Variants in ZNF480 observed in about 807,000 individuals in gnomAD.
ZNF480 encodes zinc finger protein 480.
Under a neutral mutation model 14.4 loss-of-function variants are expected in ZNF480, and 15 were observed. The observed-to-expected ratio is 1.04, with a 90% confidence interval of 0.70 to 1.60. The LOEUF (loss-of-function observed/expected upper bound fraction) is 1.60, where lower values mean the gene tolerates loss of function less well. ZNF480 is among the 40% of genes most tolerant of loss of function. The pLI is 0.00. For synonymous variants in ZNF480, 218 were observed against 215.5 expected, an observed-to-expected ratio of 1.01 and a Z score of -0.10; for missense variants, 593 against 629.7, an observed-to-expected ratio of 0.94 and a Z score of 0.62.
chr19:52,297,502 C>G (rs181999400), intron 1 of ZNF480, among the ~76,000 whole-genome samples: 1 of 152,046 alleles, frequency 6.6e-6, no homozygotes, highest in Non-Finnish European at 1.5e-5. Context: ...TTACATCCGC[C>G]CCGCACAGCG....
At chr19:52,319,808 T>C (rs1266174437) in intron 4 of ZNF480, among the ~76,000 whole-genome samples, 2 of 106,256 alleles carry the variant, frequency 1.9e-5, no homozygotes, top group Non-Finnish European at 3.6e-5. Context: ...TAGCTGATAC[T>C]GTGTTTTTTT....
intron 4 of ZNF480, among the ~76,000 whole-genome samples, chr19:52,316,970 G>A (rs1298247933): frequency 1.3e-5 from 2 of 152,154 alleles, no homozygotes; most frequent in Middle Eastern, 3.4e-3. Flanking sequence ...CCTGCATTGC[G>A]CCCACCTTTT....
At chr19:52,297,348 A>G (rs927799929) in intron 1 of ZNF480, 125 bp downstream of exon 1, 2 of 379,414 alleles carry the variant, frequency 5.3e-6, no homozygotes, top group African/African-American at 2.2e-5. Context: ...GACCAAATTC[A>G]GGCGTCTCCG....
At position 52,310,522 on chromosome 19, in the gene ZNF480, G is replaced by A. The variant is rs544510295; in HGVS notation, c.73-3631G>A. On this transcript the variant is annotated intron_variant, in intron 2 of 4. Transcript: ENST00000595962. ...TTTCTGGCCCCTGCCCAGGCATCCT[G>A]TGCAGTGGTGATTGGCTGCAGCACA... Among the ~76,000 whole-genome samples, 129 of 150,952 alleles carry A rather than the reference G, an allele frequency of 8.5e-4. 3 individuals carry two copies. Among genetic ancestry groups the A allele is most frequent in the African/African-American group, 3.0e-3 (125 of 41,026 alleles).
chr19:52,321,916 A>C lies in ZNF480; in HGVS notation c.666A>C (p.Gln222His), dbSNP rs768248740. Reference protein sequence around the residue: ...FRVSSSLTKHQVIHTVEKPYK... With the variant: ...FRVSSSLTKHHVIHTVEKPYK... ...TATCTTCCAGCCTTACTAAACATCA[A>C]GTAATCCATACTGTAGAGAAACCTT... The change falls in exon 5 of 5, where the codon CAA (glutamine) becomes CAC (histidine). Residue 222 changes from glutamine to histidine, a missense_variant. Coordinates refer to ENST00000595962, the MANE Select transcript of ZNF480 (RefSeq NM_144684.4). 1 of 1,614,038 alleles carries C rather than the reference A, an allele frequency of 6.2e-7. No individual in the cohort carries two copies. The highest frequency in any genetic ancestry group is 8.5e-7 in the Non-Finnish European group (1 of 1,180,026).
chr19:52,325,148 G>A lies in ZNF480; in HGVS notation c.*2290G>A, dbSNP rs1334275696. The A allele has an allele frequency of 6.6e-6, 1 of 152,088 alleles. No homozygotes were observed. The highest frequency in any genetic ancestry group is 1.5e-5 in the Non-Finnish European group (1 of 68,010). The allele number at this position is 152,088 out of a possible 1,614,324, so 9.4% of individuals were successfully genotyped here. Reference sequence around the variant, plus strand: ...AAAGAATACATACATGTGGCAATAAGCATATGAAAAAAATGGTTAATATCG... The same window carrying A: ...AAAGAATACATACATGTGGCAATAAACATATGAAAAAAATGGTTAATATCG... On this transcript the variant is annotated 3_prime_UTR_variant, in exon 5 of 5. Transcript: ENST00000595962.
At chr19:52,318,281 T>TATCGAAAAA (rs1019602243) in intron 4 of ZNF480, among the ~76,000 whole-genome samples, 6 of 152,002 alleles carry the variant, frequency 3.9e-5, no homozygotes, top group Non-Finnish European at 7.4e-5. Flanking sequence ...TAAATTTTTG[T>TATCGAAAAA]ATCTTTAATA....
In ZNF480 at chr19:52,314,069, T is replaced by G. The variant is rs551832789; in HGVS notation, c.73-84T>G. ...GTCAGAACATTCTCTTCAATCCAGT[T>G]AATCTTTACAACTCCCTTCTCATTT... is the stretch of plus-strand genomic sequence containing the variant. On this transcript the variant is annotated intron_variant, in intron 2 of 4. Coordinates refer to ENST00000595962, the MANE Select transcript of ZNF480 (RefSeq NM_144684.4). 34 of 1,404,474 alleles carry G rather than the reference T, an allele frequency of 2.4e-5. No individual in the cohort carries two copies. In the South Asian group the frequency reaches 3.7e-4, roughly 15 times the overall value. The allele number at this position is 1,404,474 out of a possible 1,614,324, so 87.0% of individuals were successfully genotyped here. A position where few individuals can be genotyped will look rare whatever the true frequency, so the allele number is the denominator to read the frequency against.
Position 52,321,789 on chromosome 19 carries a change from A to G in ZNF480, c.539A>G (p.Asn180Ser), listed in dbSNP as rs775226352. The change falls in exon 5 of 5, where the codon AAT becomes AGT. Residue 180 changes from asparagine (N) to serine (S), a missense_variant. Asn to Ser is a conservative substitution (Grantham distance 46, BLOSUM62 1). Coordinates refer to ENST00000595962, the MANE Select transcript of ZNF480 (RefSeq NM_144684.4). Reference protein sequence around the residue: ...MSSSVKTPIFNRNDFDDSSFL... With the variant: ...MSSSVKTPIFSRNDFDDSSFL... Reference sequence around the variant, plus strand: ...TCCAGTGTCAAAACCCCCATTTTTAATAGGAATGATTTTGATGATTCTTCA... The same window carrying G: ...TCCAGTGTCAAAACCCCCATTTTTAGTAGGAATGATTTTGATGATTCTTCA... 1.2e-6 allele frequency: 2 copies of G among 1,613,534 alleles called. No homozygotes were observed. The highest frequency in any genetic ancestry group is 1.1e-5 in the South Asian group (1 of 91,016).
intron 2 of ZNF480, among the ~76,000 whole-genome samples, chr19:52,310,729 G>A (rs945325730): frequency 6.6e-6 from 1 of 151,874 alleles, no homozygotes; most frequent in Non-Finnish European, 1.5e-5. Context: ...AGCCGGTCAT[G>A]GTGGCTCATG....
intron 2 of ZNF480, chr19:52,302,017 C>A: frequency 5.2e-6 from 1 of 190,648 alleles, no homozygotes; most frequent in Non-Finnish European, 1.1e-5. Flanking sequence ...TCAGTCTCGA[C>A]ATGGCTGCAA....
chr19:52,325,527 T>G lies in ZNF480; in HGVS notation c.*2669T>G, dbSNP rs1600224660. The G allele has an allele frequency of 6.6e-6, 1 of 152,262 alleles. No individual in the cohort carries two copies. Among genetic ancestry groups the G allele is most frequent in the East Asian group, 1.9e-4 (1 of 5,182 alleles). 9.4% of individuals were successfully genotyped at this position (152,262 alleles called of 1,614,324 possible). A position where few individuals can be genotyped will look rare whatever the true frequency, so the allele number is the denominator to read the frequency against. The stretch of plus-strand genomic sequence containing the variant: ...GATGTGGAATCAACGTAAATGCCCA[T>G]CAGCAGTAGACCAGATAAAGAAAAT... On this transcript the variant is annotated 3_prime_UTR_variant, in exon 5 of 5. Coordinates refer to ENST00000595962, the MANE Select transcript of ZNF480 (RefSeq NM_144684.4).
chr19:52,315,782 C>G, intron 3 of ZNF480, 52 bp from the exon 4 acceptor site: 1 of 1,562,306 alleles, frequency 6.4e-7, no homozygotes, highest in Non-Finnish European at 8.7e-7. Context: ...ACACATAGGG[C>G]TTGGATTTTG....
At chr19:52,300,245 AGGAGTTT>A in intron 1 of ZNF480, 142 bp from the exon 2 acceptor site, 1 of 822,724 alleles carries the variant, frequency 1.2e-6, no homozygotes, top group Non-Finnish European at 1.9e-6. Flanking sequence ...TTCTTCCTGT[AGGAGTTT>A]CTTGTCTCTG....
intron 4 of ZNF480, chr19:52,317,549 T>C (rs977777934): frequency 1.3e-5 from 2 of 152,200 alleles, no homozygotes; most frequent in Non-Finnish European, 2.9e-5. Context: ...TTTTGTATTA[T>C]TAGTAGAGAC....
Position 52,322,311 on chromosome 19 carries a change from G to A in ZNF480, c.1061G>A (p.Arg354Lys). ...KCDECGKAFYRIALLVRHQKI... is the reference protein window; with the variant it reads ...KCDECGKAFYKIALLVRHQKI... The stretch of plus-strand genomic sequence containing the variant: ...GATGAATGTGGCAAGGCCTTCTATA[G>A]GATTGCGCTCCTTGTACGACATCAG... The change falls in exon 5 of 5, where the codon AGG becomes AAG. Residue 354 changes from arginine to lysine, a missense_variant. Transcript: ENST00000595962. 6.2e-7 allele frequency: 1 copy of A among 1,611,294 alleles called. No homozygotes were observed. The highest frequency in any genetic ancestry group is 8.5e-7 in the Non-Finnish European group (1 of 1,179,366).
In ZNF480 at chr19:52,323,586, A is replaced by G. The variant is rs970614554; in HGVS notation, c.*728A>G. 1 of 152,168 alleles carries G rather than the reference A, an allele frequency of 6.6e-6. No homozygotes were observed. Among genetic ancestry groups the G allele is most frequent in the Non-Finnish European group, 1.5e-5 (1 of 68,028 alleles). The allele number at this position is 152,168 out of a possible 1,614,324, so 9.4% of individuals were successfully genotyped here. A position where few individuals can be genotyped will look rare whatever the true frequency, so the allele number is the denominator to read the frequency against. On this transcript the variant is annotated 3_prime_UTR_variant, in exon 5 of 5. Coordinates refer to ENST00000595962, the MANE Select transcript of ZNF480 (RefSeq NM_144684.4). ...GTAAACCAAATCCATCTGCACATCA[A>G]AAAGCTAATCCAACATTATCAAGCA...
chr19:52,317,517 T>G (rs1406879955), intron 4 of ZNF480: 3 of 152,126 alleles, frequency 2.0e-5, no homozygotes, highest in Non-Finnish European at 4.4e-5. Flanking sequence ...ATTACAGGTG[T>G]GTGCCACCAC....
At chr19:52,307,828 C>A (rs1021409948) in intron 2 of ZNF480, among the ~76,000 whole-genome samples, 1 of 152,188 alleles carries the variant, frequency 6.6e-6, no homozygotes, top group Non-Finnish European at 1.5e-5. Flanking sequence ...GTGGTTTGAG[C>A]AGTTTTCTAC....
Sources: gnomAD v4.1 joint callset for allele counts (sites outside exome capture counted in the v4.1 genomes callset) on GRCh38, gnomAD v4.1.1 for gene constraint, MANE v1.5 for transcripts, NCBI Gene and HGNC (gene_info 2026-07-23, HGNC 2026-07-21) for gene names.